NID2: variants seen among roughly 807,000 people sequenced by gnomAD.
The protein encoded by NID2 is nidogen-2.
NID2 carries 83 observed loss-of-function variants against 145.4 expected under a neutral mutation model. That is an observed-to-expected ratio of 0.57 (90% confidence interval 0.48 to 0.69). The LOEUF is 0.69. Ranked by LOEUF, NID2 falls within the 30% of genes least tolerant of loss-of-function variation. NID2 has a pLI of 0.00. For missense variants in NID2, 1,807 were observed against 1,765.7 expected (o/e 1.02, Z -0.42); for synonymous variants, 739 against 701.3 (o/e 1.05, Z -0.85).
intron 5 of NID2, among the ~76,000 whole-genome samples, chr14:52,046,431 A>T (rs1892498283): frequency 6.6e-6 from 1 of 151,732 alleles, no homozygotes; most frequent in Non-Finnish European, 1.5e-5. Context: ...CTTGGATTGT[A>T]TCTTATTTCA....
chr14:52,033,096 G>A (rs145949278), intron 9 of NID2, among the ~76,000 whole-genome samples: 62 of 152,268 alleles, frequency 4.1e-4, no homozygotes, highest in Non-Finnish European at 5.6e-4. Context: ...ACCATTTCAC[G>A]ACTCATTCTC....
chr14:52,005,841 A>G lies in NID2; in HGVS notation c.4013T>C (p.Val1338Ala), dbSNP rs772514883. The change falls in exon 21 of 22, where the codon GTT (valine) becomes GCT (alanine). Residue 1338 changes from valine to alanine, a missense_variant. Coordinates refer to ENST00000216286, the MANE Select transcript of NID2 (RefSeq NM_007361.4). ...GCCACTATGTTTATTTACTGATACA[A>G]CACCATCCCTGGTAACAGAAAGGAA... ...FYHTDWRRDG[V>A]VSVNKHSGQF... 1.9e-6 allele frequency: 3 copies of G among 1,607,480 alleles called. No homozygotes were observed. Among genetic ancestry groups the G allele is most frequent in the Non-Finnish European group, 2.6e-6 (3 of 1,174,000 alleles).
In NID2 at chr14:52,060,364, GAAA is replaced by G. The variant is rs71121681; in HGVS notation, c.535-11_535-9del. The G allele has an allele frequency of 3.1e-3, 2,293 of 736,578 alleles. No individual in the cohort carries two copies. Among genetic ancestry groups the G allele is most frequent in the South Asian group, 6.9e-3 (143 of 20,686 alleles). 45.6% of individuals were successfully genotyped at this position (736,578 alleles called of 1,614,324 possible). On this transcript the variant is annotated splice_polypyrimidine_tract_variant and intron_variant, in intron 2 of 21. Transcript: ENST00000216286. ...TGCCTGGAAAGTGTTCAGCTGTGAGGAAAAAAAAAAAAAAAGAGAGAGAGAGAG... is the reference window on the plus strand; with the variant it reads ...TGCCTGGAAAGTGTTCAGCTGTGAGGAAAAAAAAAAAAGAGAGAGAGAGAG...
intron 5 of NID2, among the ~76,000 whole-genome samples, chr14:52,046,253 G>A (rs1320114370): frequency 1.3e-5 from 2 of 150,918 alleles, no homozygotes. Flanking sequence ...AATCTGGCAG[G>A]CGGAGCTTGC....
intron 20 of NID2, 129 bp from the exon 21 acceptor site, chr14:52,005,978 A>C: frequency 1.5e-6 from 1 of 669,560 alleles, no homozygotes; most frequent in Non-Finnish European, 2.7e-6. Context: ...GGCTGGTGCT[A>C]AAGCCATACT....
intron 7 of NID2, 27 bp from the exon 8 acceptor site, chr14:52,040,878 G>A (rs762105395): frequency 2.5e-6 from 4 of 1,606,720 alleles, no homozygotes; most frequent in Admixed American, 1.7e-5. Flanking sequence ...TTCAGCACAG[G>A]GATGAAAAGA....
chr14:52,017,370 T>TACC (rs1032403523), intron 14 of NID2, among the ~76,000 whole-genome samples: 1 of 152,134 alleles, frequency 6.6e-6, no homozygotes, highest in African/African-American at 2.4e-5. Flanking sequence ...AGAGCGTCCT[T>TACC]ACCCTCCCTC....
Position 52,005,388 on chromosome 14 carries a change from G to A in NID2, c.*98C>T. The stretch of plus-strand genomic sequence containing the variant: ...TCTTGGATGCTCAGGAACGTCTAAT[G>A]GCCAATTCCTTTTTTACTTTCTTTG... On this transcript the variant is annotated 3_prime_UTR_variant, in exon 22 of 22. Transcript: ENST00000216286. The A allele has an allele frequency of 8.1e-7, 1 of 1,229,006 alleles. No individual in the cohort carries two copies. Among genetic ancestry groups the A allele is most frequent in the South Asian group, 2.1e-5 (1 of 47,902 alleles). 76.1% of individuals were successfully genotyped at this position (1,229,006 alleles called of 1,614,324 possible).
intron 5 of NID2, among the ~76,000 whole-genome samples, chr14:52,050,650 G>A (rs1418696695): frequency 2.0e-5 from 3 of 152,014 alleles, no homozygotes; most frequent in African/African-American, 7.3e-5. Flanking sequence ...TCTCTCTGTT[G>A]CTCAGGCTAT....
At chr14:52,012,964 C>T (rs1891087375) in intron 16 of NID2, among the ~76,000 whole-genome samples, 2 of 152,184 alleles carry the variant, frequency 1.3e-5, no homozygotes, top group Admixed American at 6.5e-5. Flanking sequence ...TTGTACAAAA[C>T]GGGATTTGGC....
intron 3 of NID2, among the ~76,000 whole-genome samples, chr14:52,059,232 CT>C (rs1440914013): frequency 6.6e-6 from 1 of 152,148 alleles, no homozygotes; most frequent in Non-Finnish European, 1.5e-5. Flanking sequence ...TAAATGTCAG[CT>C]CTGAGTAAGC....
chr14:52,037,183 G>A (rs1892102728), intron 9 of NID2, among the ~76,000 whole-genome samples: 1 of 152,156 alleles, frequency 6.6e-6, no homozygotes, highest in Non-Finnish European at 1.5e-5. Flanking sequence ...TTTGTATGTG[G>A]TCACTCAGTG....
At position 52,005,836 on chromosome 14, in the gene NID2, A is replaced by C; in HGVS notation, c.4018T>G (p.Ser1340Ala). 6.2e-7 allele frequency: 1 copy of C among 1,608,960 alleles called. No individual in the cohort carries two copies. ...AACTGGCCACTATGTTTATTTACTG[A>C]TACAACACCATCCCTGGTAACAGAA... ...HTDWRRDGVVSVNKHSGQFTD... is the reference protein window; with the variant it reads ...HTDWRRDGVVAVNKHSGQFTD... Residue 1340 changes from serine to alanine, a missense_variant, in exon 21 of 22, where the codon TCA becomes GCA. Transcript: ENST00000216286.
chr14:52,060,618 T>C (rs1892997207), intron 2 of NID2, among the ~76,000 whole-genome samples: 1 of 152,218 alleles, frequency 6.6e-6, no homozygotes, highest in Non-Finnish European at 1.5e-5. Flanking sequence ...GAAATACGCA[T>C]TGGTAAAACA....
At position 52,019,273 on chromosome 14, in the gene NID2, G is replaced by A. The variant is rs1176876803; in HGVS notation, c.2816C>T (p.Pro939Leu). ...GGCATGGCGCTGCTGTTGTTCACAG[G>A]GTGTCAGGCTTGAGGTGGAGTCTTC... is the stretch of plus-strand genomic sequence containing the variant. ...CIPDSTSSLT[P>L]CEQQQRHAQA... Residue 939 changes from proline (P) to leucine (L), a missense_variant, in exon 14 of 22, where the codon CCC (proline) becomes CTC (leucine). Physicochemically the swap from Pro to Leu is moderately conservative, Grantham distance 98. Transcript: ENST00000216286. 4 of 1,594,042 alleles carry A rather than the reference G, an allele frequency of 2.5e-6. No homozygotes were observed. The highest frequency in any genetic ancestry group is 4.5e-5 in the East Asian group (2 of 44,302).
In NID2 at chr14:52,053,716, G is replaced by A. The variant is rs142884639; in HGVS notation, c.1292C>T (p.Ser431Leu). 139 of 1,614,180 alleles carry A rather than the reference G, an allele frequency of 8.6e-5. No homozygotes were observed. Among genetic ancestry groups the A allele is most frequent in the Admixed American group, 2.3e-4 (14 of 60,034 alleles). ...QPYPDGGPVP[S>L]EMDVPPAHPE... is the part of the protein sequence containing the mutation. ...ATGAGCTGGGGGAACATCCATTTCC[G>A]AAGGCACTGGCCCTCCATCTGGGTA... The change falls in exon 5 of 22, where the codon TCG becomes TTG. Residue 431 changes from serine (S) to leucine (L), a missense_variant. Coordinates refer to ENST00000216286, the MANE Select transcript of NID2 (RefSeq NM_007361.4).
At chr14:52,029,909 C>T (rs1158240579) in intron 9 of NID2, among the ~76,000 whole-genome samples, 1 of 152,208 alleles carries the variant, frequency 6.6e-6, no homozygotes, top group Non-Finnish European at 1.5e-5. Context: ...CAACTAGTAC[C>T]TTTACTTGCT....
chr14:52,011,439 GCCT>G, intron 17 of NID2, 112 bp downstream of exon 17: 1 of 1,312,148 alleles, frequency 7.6e-7, no homozygotes. Context: ...AAAATGACTT[GCCT>G]AGAACTTAAC....
chr14:52,005,542 T>TTGTGGGTGGTGGGTGAGTATAC, intron 21 of NID2, 46 bp from the exon 22 acceptor site: 1 of 1,584,798 alleles, frequency 6.3e-7, no homozygotes, highest in Non-Finnish European at 8.6e-7. Flanking sequence ...GGTGAGTATA[T>TTGTGGGTGGTGGGTGAGTATAC]TGTAACCAAG....
Sources: allele counts gnomAD v4.1 joint callset (sites outside exome capture counted in the v4.1 genomes callset), GRCh38; gene constraint gnomAD v4.1.1; transcripts MANE v1.5; gene names NCBI Gene and HGNC (gene_info 2026-07-23, HGNC 2026-07-21).